Variants in CSGALNACT1 observed in about 807,000 individuals in gnomAD.
CSGALNACT1 encodes beta4GalNAcT-1.
CSGALNACT1 carries 52 observed loss-of-function variants against 51.0 expected under a neutral mutation model. That is an observed-to-expected ratio of 1.02 (90% CI 0.82 to 1.29). CSGALNACT1 has a LOEUF of 1.29. CSGALNACT1 is among the 50% of genes most tolerant of loss of function. The probability of loss-of-function intolerance (pLI) is 0.00; values close to 1 mark genes in which losing one functional copy is unlikely to be tolerated. For missense variants in CSGALNACT1, 935 were observed against 679.2 expected (o/e 1.38, Z -4.19); for synonymous variants, 341 against 254.4 (o/e 1.34, Z -3.24).
chr8:19,555,696 G>A (rs925577039), intron 3 of CSGALNACT1, among the ~76,000 whole-genome samples: 2 of 152,106 alleles, frequency 1.3e-5, no homozygotes, highest in Admixed American at 1.3e-4. Context: ...AGCATGTTAC[G>A]GGTGGTTAGG....
chr8:19,703,481 T>C (rs2061990611), intron 1 of CSGALNACT1, among the ~76,000 whole-genome samples: 1 of 152,102 alleles, frequency 6.6e-6, no homozygotes, highest in South Asian at 2.1e-4. Context: ...TTTTCTGTAT[T>C]TTTAGTACAG....
intron 1 of CSGALNACT1, among the ~76,000 whole-genome samples, chr8:19,677,597 C>T (rs1564408280): frequency 6.6e-6 from 1 of 152,158 alleles, no homozygotes; most frequent in South Asian, 2.1e-4. Context: ...AGAGTATGCA[C>T]ATTTTAGCTA....
At chr8:19,542,582 A>G (rs1043785552) in intron 3 of CSGALNACT1, among the ~76,000 whole-genome samples, 1 of 152,134 alleles carries the variant, frequency 6.6e-6, no homozygotes, top group African/African-American at 2.4e-5. Context: ...TACCAAAACA[A>G]GAGATGATGA....
At chr8:19,625,982 C>T (rs2054398702) in intron 1 of CSGALNACT1, among the ~76,000 whole-genome samples, 1 of 152,002 alleles carries the variant, frequency 6.6e-6, no homozygotes, top group African/African-American at 2.4e-5. Flanking sequence ...TAAACTGAGA[C>T]AATAAAACAC....
chr8:19,515,933 C>T (rs938100835), intron 3 of CSGALNACT1, among the ~76,000 whole-genome samples: 2 of 152,128 alleles, frequency 1.3e-5, no homozygotes, highest in Non-Finnish European at 2.9e-5. Flanking sequence ...AGATGCTACT[C>T]AAGCCAGGTG....
At chr8:19,526,077 G>A (rs1294975675) in intron 3 of CSGALNACT1, among the ~76,000 whole-genome samples, 3 of 152,124 alleles carry the variant, frequency 2.0e-5, no homozygotes, top group East Asian at 1.9e-4. Flanking sequence ...AGTTAAAAAA[G>A]GAAAAGGCTG....
Position 19,434,834 on chromosome 8 carries a change from T to C in CSGALNACT1, c.953+4996A>G, listed in dbSNP as rs555734880. ...TGAGATGGTTATCTAAAAATCCTTG[T>C]TTAAGAAAAAAAAAAAAGCAAATCA... On this transcript the variant is annotated intron_variant, in intron 6 of 9. Transcript: ENST00000454498. 6.6e-3 allele frequency among the ~76,000 whole-genome samples: 1,001 copies of C among 151,928 alleles called. 5 individuals are homozygous for C. Among genetic ancestry groups the C allele is most frequent in the Non-Finnish European group, 8.6e-3 (582 of 67,956 alleles).
intron 5 of CSGALNACT1, among the ~76,000 whole-genome samples, chr8:19,445,157 G>A (rs541150704): frequency 1.3e-5 from 2 of 152,290 alleles, no homozygotes; most frequent in Middle Eastern, 3.4e-3. Context: ...CCTGCAGACT[G>A]AATCATCACC....
chr8:19,434,850 A>G (rs1283761932), intron 6 of CSGALNACT1, among the ~76,000 whole-genome samples: 3 of 152,150 alleles, frequency 2.0e-5, no homozygotes, highest in Non-Finnish European at 4.4e-5. Context: ...AAAAAAAAAA[A>G]AGCAAATCAA....
chr8:19,662,607 T>C (rs1056321158), intron 1 of CSGALNACT1, among the ~76,000 whole-genome samples: 15 of 152,218 alleles, frequency 9.9e-5, no homozygotes, highest in Middle Eastern at 3.2e-3. Flanking sequence ...CATTCTATTA[T>C]TTCCTCTTTG....
intron 3 of CSGALNACT1, among the ~76,000 whole-genome samples, chr8:19,507,601 T>G (rs2077609929): frequency 6.6e-6 from 1 of 151,242 alleles, no homozygotes; most frequent in Admixed American, 6.6e-5. Context: ...TCTAGGGACA[T>G]TTTAATGAAA....
chr8:19,513,553 A>G (rs1394215025), intron 3 of CSGALNACT1, among the ~76,000 whole-genome samples: 18 of 151,448 alleles, frequency 1.2e-4, no homozygotes, highest in Non-Finnish European at 4.4e-5. Context: ...TCTCTTATAC[A>G]CACTTAATTA....
chr8:19,618,629 C>CAAAAAAAAAAAAAAAAAA (rs60787326), intron 1 of CSGALNACT1, among the ~76,000 whole-genome samples: 13 of 64,046 alleles, frequency 2.0e-4, no homozygotes, highest in East Asian at 6.0e-4. Flanking sequence ...AATACTCCAT[C>CAAAAAAAAAAAAAAAAAA]AAAAAAAAAA....
At chr8:19,569,050 C>T (rs1322850146) in intron 3 of CSGALNACT1, among the ~76,000 whole-genome samples, 1 of 152,114 alleles carries the variant, frequency 6.6e-6, no homozygotes, top group Non-Finnish European at 1.5e-5. Context: ...TTACCTGAGT[C>T]AAAAGCAAGA....
intron 1 of CSGALNACT1, among the ~76,000 whole-genome samples, chr8:19,668,138 T>G (rs1391945599): frequency 6.6e-6 from 1 of 152,226 alleles, no homozygotes. Flanking sequence ...AAAAATAGTT[T>G]TCATAGATTT....
intron 4 of CSGALNACT1, among the ~76,000 whole-genome samples, chr8:19,500,419 C>T (rs180854627): frequency 9.4e-4 from 142 of 151,298 alleles, no homozygotes; most frequent in Middle Eastern, 7.0e-3. Flanking sequence ...CCAGAATGCA[C>T]CTGAAAGGCT....
chr8:19,550,002 T>A (rs2087556041), intron 3 of CSGALNACT1, among the ~76,000 whole-genome samples: 2 of 152,166 alleles, frequency 1.3e-5, no homozygotes, highest in Non-Finnish European at 2.9e-5. Context: ...AATAGATGTG[T>A]CCTGGAGTTG....
At chr8:19,714,437 TC>T (rs2062689246) in intron 1 of CSGALNACT1, among the ~76,000 whole-genome samples, 1 of 152,166 alleles carries the variant, frequency 6.6e-6, no homozygotes, top group African/African-American at 2.4e-5. Context: ...AGCCACCATT[TC>T]TTTAAATATT....
chr8:19,477,724 C>CA (rs2070115576), intron 4 of CSGALNACT1, among the ~76,000 whole-genome samples: 1 of 152,214 alleles, frequency 6.6e-6, no homozygotes, highest in Non-Finnish European at 1.5e-5. Flanking sequence ...TCTATGTCTT[C>CA]ACTTCTAAAA....
Sources: gnomAD v4.1 joint callset for allele counts (sites outside exome capture counted in the v4.1 genomes callset) on GRCh38, gnomAD v4.1.1 for gene constraint, MANE v1.5 for transcripts, NCBI Gene and HGNC (gene_info 2026-07-23, HGNC 2026-07-21) for gene names.